Variants in BBS9 observed in about 807,000 individuals in gnomAD.
BBS9 encodes the protein protein PTHB1.
A neutral mutation model predicts 117.7 loss-of-function variants in BBS9; 89 were observed. The ratio of observed to expected loss-of-function variants is 0.76; its 90% confidence interval spans 0.64 to 0.90. The LOEUF (loss-of-function observed/expected upper bound fraction) is 0.90. Ranked by LOEUF, BBS9 falls within the 40% of genes least tolerant of loss-of-function variation. The pLI is 0.00. For synonymous variants in BBS9, 379 were observed against 370.9 expected (o/e 1.02, Z -0.25); for missense variants, 982 against 1,042.2 (o/e 0.94, Z 0.80).
At chr7:33,599,825 C>G (rs373061076) in intron 21 of BBS9, among the ~76,000 whole-genome samples, 11 of 152,222 alleles carry the variant, frequency 7.2e-5, no homozygotes, top group African/African-American at 2.4e-4. Context: ...AGAAATGCAT[C>G]TAGAGTTCTG....
chr7:33,305,165 A>T (rs564316613), intron 9 of BBS9, among the ~76,000 whole-genome samples: 4 of 151,270 alleles, frequency 2.6e-5, no homozygotes, highest in Non-Finnish European at 5.9e-5. Context: ...AAATGATCAT[A>T]TGGGTTTTGT....
chr7:33,506,498 A>G (rs924647309), intron 20 of BBS9, among the ~76,000 whole-genome samples: 2 of 152,318 alleles, frequency 1.3e-5, no homozygotes, highest in East Asian at 3.9e-4. Context: ...TTTTGTAAGA[A>G]TTATTTACTC....
intron 19 of BBS9, among the ~76,000 whole-genome samples, chr7:33,459,440 C>T (rs2128930878): frequency 6.6e-6 from 1 of 151,516 alleles, no homozygotes; most frequent in South Asian, 2.1e-4. Context: ...CAGAGCAGCC[C>T]TCACAGCAAA....
chr7:33,545,419 C>G (rs960078439), intron 21 of BBS9, among the ~76,000 whole-genome samples: 2 of 152,140 alleles, frequency 1.3e-5, no homozygotes, highest in Admixed American at 6.5e-5. Flanking sequence ...GCTTGGCTCT[C>G]TAACTTGACT....
chr7:33,480,793 TA>T (rs11302206), intron 19 of BBS9, among the ~76,000 whole-genome samples: 152,295 of 152,296 alleles, frequency 1, 76,147 homozygotes, highest in Middle Eastern at 1. Flanking sequence ...GAATTGTATT[TA>T]CCCACATGTT....
At chr7:33,453,132 G>C (rs1248196193) in intron 19 of BBS9, among the ~76,000 whole-genome samples, 1 of 152,172 alleles carries the variant, frequency 6.6e-6, no homozygotes, top group Non-Finnish European at 1.5e-5. Flanking sequence ...AATCATGCTA[G>C]GTCTTAACTA....
intron 9 of BBS9, among the ~76,000 whole-genome samples, chr7:33,304,127 T>G (rs1316647840): frequency 6.9e-6 from 1 of 144,002 alleles, no homozygotes; most frequent in East Asian, 2.2e-4. Flanking sequence ...CCACCCCGTC[T>G]GGGAAGTGAG....
At chr7:33,476,390 A>G (rs993825118) in intron 19 of BBS9, among the ~76,000 whole-genome samples, 1 of 152,190 alleles carries the variant, frequency 6.6e-6, no homozygotes, top group African/African-American at 2.4e-5. Flanking sequence ...GGCATTTCTC[A>G]GGATCCACGT....
chr7:33,606,044 A>C lies in BBS9; in HGVS notation c.*818A>C, dbSNP rs371555185. 11 of 152,308 alleles carry C rather than the reference A, an allele frequency of 7.2e-5. No individual in the cohort carries two copies. The South Asian group carries it at 1.0e-3, about 14-fold the overall frequency. 9.4% of individuals were successfully genotyped at this position (152,308 alleles called of 1,614,324 possible). On this transcript the variant is annotated 3_prime_UTR_variant, in exon 23 of 23. Coordinates refer to ENST00000242067, the MANE Select transcript of BBS9 (RefSeq NM_198428.3). ...TTACAGTTGTGAGATTGATTTATTT[A>C]AATAAAAATATGCCTTTGCCAGTTT... is the stretch of plus-strand genomic sequence containing the variant.
At chr7:33,323,807 TC>T (rs1449950380) in intron 9 of BBS9, among the ~76,000 whole-genome samples, 1 of 151,248 alleles carries the variant, frequency 6.6e-6, no homozygotes, top group Non-Finnish European at 1.5e-5. Context: ...GGTCTTCTCT[TC>T]CTTCTTTTCT....
At chr7:33,378,793 T>G (rs548878617) in intron 17 of BBS9, among the ~76,000 whole-genome samples, 1 of 152,272 alleles carries the variant, frequency 6.6e-6, no homozygotes, top group Non-Finnish European at 1.5e-5. Flanking sequence ...AAGCTATGAG[T>G]GAAGACTCAG....
intron 19 of BBS9, among the ~76,000 whole-genome samples, chr7:33,411,845 G>A (rs1831197605): frequency 6.6e-6 from 1 of 152,080 alleles, no homozygotes; most frequent in South Asian, 2.1e-4. Context: ...TATGATTAGA[G>A]GAGGTATATA....
intron 9 of BBS9, among the ~76,000 whole-genome samples, chr7:33,319,286 A>G (rs1811200341): frequency 6.6e-6 from 1 of 151,814 alleles, no homozygotes; most frequent in Non-Finnish European, 1.5e-5. Flanking sequence ...TTCTTTATCC[A>G]CTCATTGATT....
chr7:33,419,973 G>A (rs1300841727), intron 19 of BBS9, among the ~76,000 whole-genome samples: 2 of 152,144 alleles, frequency 1.3e-5, no homozygotes, highest in African/African-American at 4.8e-5. Flanking sequence ...GAATAATGGA[G>A]TTTTTAATTT....
intron 20 of BBS9, among the ~76,000 whole-genome samples, chr7:33,528,650 A>G (rs1850061272): frequency 6.6e-6 from 1 of 152,194 alleles, no homozygotes; most frequent in African/African-American, 2.4e-5. Context: ...CGTACCACTT[A>G]TATAAGTTTG....
intron 19 of BBS9, among the ~76,000 whole-genome samples, chr7:33,423,306 G>A (rs1255328534): frequency 6.6e-6 from 1 of 152,036 alleles, no homozygotes; most frequent in Non-Finnish European, 1.5e-5. Context: ...ATACAGCAGG[G>A]GAGGCATGTA....
intron 21 of BBS9, among the ~76,000 whole-genome samples, chr7:33,617,566 T>TCCCAGCAC (rs1865203343): frequency 6.6e-6 from 1 of 151,952 alleles, no homozygotes; most frequent in African/African-American, 2.4e-5. Flanking sequence ...TGGAGCTTTA[T>TCCCAGCAC]TGAGTGCCTG....
At chr7:33,626,436 A>G (rs1197951300) in intron 21 of BBS9, among the ~76,000 whole-genome samples, 2 of 152,252 alleles carry the variant, frequency 1.3e-5, no homozygotes, top group Non-Finnish European at 2.9e-5. Flanking sequence ...TGTGGAAGCA[A>G]CTTTGTAACT....
At chr7:33,330,222 C>T (rs969332370) in intron 9 of BBS9, among the ~76,000 whole-genome samples, 1 of 151,952 alleles carries the variant, frequency 6.6e-6, no homozygotes, top group Non-Finnish European at 1.5e-5. Context: ...ACCGTGTTGC[C>T]CAGGCTGACC....
Sources: allele counts gnomAD v4.1 joint callset (sites outside exome capture counted in the v4.1 genomes callset), GRCh38; gene constraint gnomAD v4.1.1; transcripts MANE v1.5; gene names NCBI Gene and HGNC (gene_info 2026-07-23, HGNC 2026-07-21).